EVC: variants seen among roughly 807,000 people sequenced by gnomAD.
The protein encoded by EVC is EvC ciliary complex subunit 1, also known as evC complex member EVC.
In EVC, 116 loss-of-function variants were observed where a neutral mutation model predicts 118.9. The ratio of observed to expected loss-of-function variants is 0.98; its 90% CI spans 0.84 to 1.14. The LOEUF (loss-of-function observed/expected upper bound fraction) is 1.14. EVC is among the 50% of genes most tolerant of loss of function. The probability of loss-of-function intolerance (pLI) is 0.00; values close to 1 mark genes in which losing one functional copy is unlikely to be tolerated. For missense variants in EVC, 1,401 were observed against 1,246.4 expected (o/e 1.12, Z -1.87); for synonymous variants, 619 against 534.7 (o/e 1.16, Z -2.18).
intron 13 of EVC, among the ~76,000 whole-genome samples, chr4:5,794,269 T>A (rs1314770207): frequency 7.3e-6 from 1 of 137,268 alleles, no homozygotes; most frequent in African/African-American, 2.7e-5. Context: ...ATTTATATAT[T>A]TATATATATT....
chr4:5,825,865 A>G, the EVC span: 1 of 562,554 alleles, frequency 1.8e-6, no homozygotes, highest in Non-Finnish European at 3.1e-6. This position sits in a 1 kb window ranked among gnomAD's most constrained non-coding sequence, Gnocchi z 4.4. Flanking sequence ...GCATGCATAC[A>G]CACACATCTA....
intron 11 of EVC, among the ~76,000 whole-genome samples, chr4:5,781,814 A>AG (rs1735640598): frequency 6.6e-6 from 1 of 152,178 alleles, no homozygotes; most frequent in Admixed American, 6.6e-5. Context: ...TGGGCGACAG[A>AG]GGGAGATCCT....
intron 12 of EVC, among the ~76,000 whole-genome samples, chr4:5,784,023 A>G (rs1736051194): frequency 6.6e-6 from 1 of 152,184 alleles, no homozygotes; most frequent in Non-Finnish European, 1.5e-5. Flanking sequence ...CTTTAGAACG[A>G]GAGAAATAAG....
intron 5 of EVC, among the ~76,000 whole-genome samples, chr4:5,736,314 T>C (rs1577377525): frequency 6.6e-6 from 1 of 152,088 alleles, no homozygotes; most frequent in East Asian, 1.9e-4. Flanking sequence ...TGCACACACA[T>C]AAATGTGCAT....
rs1724581750 is a variant in EVC at position 5,719,470 on chromosome 4, T to TA, written c.300+98dup. 2 of 1,579,626 alleles carry TA rather than the reference T, an allele frequency of 1.3e-6. No individual in the cohort carries two copies. Among genetic ancestry groups the TA allele is most frequent in the Admixed American group, 3.3e-5 (2 of 59,792 alleles). ...GTCATGTAGACAAGCCTCTGACAGA[T>TA]ATAGTTTCCCAATGGGCTGCTTTTC... On this transcript the variant is annotated intron_variant, in intron 2 of 20. Coordinates refer to ENST00000264956, the MANE Select transcript of EVC (RefSeq NM_153717.3). The surrounding 1 kb of genome is among the most constrained non-coding windows in gnomAD (Gnocchi z 4.7).
At chr4:5,760,404 A>G (rs1046588136) in intron 11 of EVC, among the ~76,000 whole-genome samples, 2 of 152,014 alleles carry the variant, frequency 1.3e-5, no homozygotes, top group Non-Finnish European at 2.9e-5. Flanking sequence ...ACGTAACATC[A>G]GGAGAGGGTG....
chr4:5,770,254 C>T (rs1442910028), intron 11 of EVC, among the ~76,000 whole-genome samples: 1 of 152,152 alleles, frequency 6.6e-6, no homozygotes, highest in East Asian at 1.9e-4. Flanking sequence ...TCCGCCCCCA[C>T]AGCTGCCCTG....
chr4:5,816,109 C>G (rs1028867497), downstream of EVC, among the ~76,000 whole-genome samples: 1 of 152,196 alleles, frequency 6.6e-6, no homozygotes, highest in South Asian at 2.1e-4. Flanking sequence ...GATTCTGAGT[C>G]AGCAGATTGG....
chr4:5,825,835 A>G, the EVC span: 1 of 632,120 alleles, frequency 1.6e-6, no homozygotes, highest in Non-Finnish European at 2.7e-6. The surrounding 1 kb of genome is among the most constrained non-coding windows in gnomAD (Gnocchi z 4.4). Flanking sequence ...GCAGCCGCAC[A>G]CAGGCATTCA....
intron 8 of EVC, among the ~76,000 whole-genome samples, chr4:5,751,641 C>T (rs896276590): frequency 6.6e-5 from 10 of 152,200 alleles, no homozygotes; most frequent in African/African-American, 2.4e-4. Context: ...GCGACTCAGG[C>T]CTGGCCCCTG....
downstream of EVC, among the ~76,000 whole-genome samples, chr4:5,815,046 C>T (rs556271600): frequency 9.5e-4 from 145 of 152,302 alleles, no homozygotes; most frequent in Non-Finnish European, 1.6e-3. Flanking sequence ...TGGCCCTTAC[C>T]CAGATCCTCC....
chr4:5,786,907 A>G (rs2152303494), intron 12 of EVC, among the ~76,000 whole-genome samples: 1 of 152,000 alleles, frequency 6.6e-6, no homozygotes, highest in South Asian at 2.1e-4. Flanking sequence ...CACGATAGTT[A>G]GAGATCCACC....
chr4:5,739,899 C>CAAA lies in EVC; in HGVS notation c.703-1803_703-1801dup, dbSNP rs11343689. Among the ~76,000 whole-genome samples, 207 of 120,494 alleles carry CAAA rather than the reference C, an allele frequency of 1.7e-3. 1 individual carries two copies. The highest frequency in any genetic ancestry group is 4.9e-3 in the African/African-American group (154 of 31,632). 79.0% of individuals were successfully genotyped at this position (120,494 alleles called of 152,430 possible). On this transcript the variant is annotated intron_variant, in intron 5 of 20. Transcript: ENST00000264956. ...TGGGCAACACAGAGAAACCCCATCTCAAAAAAAAAAAAAAAAGCCTTACCG... is the reference window on the plus strand; with the variant it reads ...TGGGCAACACAGAGAAACCCCATCTCAAAAAAAAAAAAAAAAAAAGCCTTACCG...
chr4:5,814,879 T>G (rs567142288), downstream of EVC, among the ~76,000 whole-genome samples: 5 of 151,866 alleles, frequency 3.3e-5, 1 homozygote, highest in South Asian at 6.3e-4. Flanking sequence ...GGGCCCCCCT[T>G]AGATTCTAGG....
At chr4:5,741,647 CAG>C (rs1247117144) in intron 5 of EVC, 67 bp from the exon 6 acceptor site, 8 of 906,904 alleles carry the variant, frequency 8.8e-6, no homozygotes, top group African/African-American at 4.9e-5. Flanking sequence ...GAAGAGAAAA[CAG>C]AAAGCAAAAG....
intron 3 of EVC, among the ~76,000 whole-genome samples, chr4:5,730,755 A>T (rs1035776458): frequency 6.6e-6 from 1 of 151,994 alleles, no homozygotes; most frequent in African/African-American, 2.4e-5. Flanking sequence ...TGTTTCAGGT[A>T]GGGGGACCAA....
At chr4:5,767,244 G>A (rs1380296891) in intron 11 of EVC, among the ~76,000 whole-genome samples, 4 of 152,040 alleles carry the variant, frequency 2.6e-5, no homozygotes, top group African/African-American at 7.2e-5. Context: ...ACTTGAGGAA[G>A]CAGTCTGCCT....
In EVC at chr4:5,711,435, G is replaced by C; in HGVS notation, c.55G>C (p.Asp19His). The part of the protein sequence containing the change: ...KSDARLLLGR[D>H]ALRPAPALLA... ...CGACGCGCGGCTGCTGCTGGGGCGG[G>C]ACGCGCTGCGGCCGGCGCCCGCCCT... Residue 19 changes from aspartate to histidine, a missense_variant, in exon 1 of 21, where the codon GAC (aspartate) becomes CAC (histidine). Physicochemically the swap from Asp to His is moderately conservative, Grantham distance 81. Transcript: ENST00000264956. The C allele has an allele frequency of 2.0e-6, 2 of 1,023,586 alleles. No individual in the cohort carries two copies. Among genetic ancestry groups the C allele is most frequent in the Non-Finnish European group, 2.3e-6 (2 of 857,872 alleles). The allele number at this position is 1,023,586 out of a possible 1,614,324, so 63.4% of individuals were successfully genotyped here. A position where few individuals can be genotyped will look rare whatever the true frequency, so the allele number is the denominator to read the frequency against.
At chr4:5,817,548 C>A (rs891873750), downstream of EVC, among the ~76,000 whole-genome samples, 1 of 152,180 alleles carries the variant, frequency 6.6e-6, no homozygotes, top group Non-Finnish European at 1.5e-5. Context: ...CAGGTCTGCA[C>A]TAAGAGAAAA....
Sources: allele counts gnomAD v4.1 joint callset (sites outside exome capture counted in the v4.1 genomes callset), GRCh38; gene constraint gnomAD v4.1.1; non-coding constraint Gnocchi (gnomAD v3.1); transcripts MANE v1.5; gene names NCBI Gene and HGNC (gene_info 2026-07-23, HGNC 2026-07-21).